ZNF71: variants seen among roughly 807,000 people sequenced by gnomAD.
ZNF71 encodes the protein endothelial zinc finger protein induced by tumor necrosis factor alpha.
In ZNF71, 3 loss-of-function variants were observed where a neutral mutation model predicts 6.7. The observed-to-expected ratio is 0.45, with a 90% confidence interval of 0.20 to 1.16. The LOEUF is 1.16. Among genes scored for constraint, ZNF71 ranks in the 50% most tolerant of loss-of-function variants. ZNF71 has a pLI of 0.25. For synonymous variants in ZNF71, 343 were observed against 311.1 expected, an observed-to-expected ratio of 1.10 and a Z score of -1.08; for missense variants, 688 against 728.6, an observed-to-expected ratio of 0.94 and a Z score of 0.64.
At position 56,621,541 on chromosome 19, in the gene ZNF71, G is replaced by A. The variant is rs536091468; in HGVS notation, c.434G>A (p.Gly145Asp). 39 of 1,614,178 alleles carry A rather than the reference G, an allele frequency of 2.4e-5. No homozygotes were observed. The East Asian group carries it at 6.5e-4, about 27-fold the overall frequency. The change falls in exon 4 of 4, where the codon GGC (glycine) becomes GAC (aspartate). Residue 145 changes from glycine (G) to aspartate (D), a missense_variant. Gly to Asp is a moderately conservative substitution (Grantham distance 94). Coordinates refer to ENST00000599599, the MANE Select transcript of ZNF71 (RefSeq NM_001370215.1). Reference sequence around the variant, plus strand: ...GAACTGAAGGCATTTGCCAACCAAGGCTGTGTCCTGGTCCCACCACGGCTG... The same window carrying A: ...GAACTGAAGGCATTTGCCAACCAAGACTGTGTCCTGGTCCCACCACGGCTG... ...CHELKAFANQGCVLVPPRLDD... is the reference protein window; with the variant it reads ...CHELKAFANQDCVLVPPRLDD...
At chr19:56,597,490 G>A (rs73934483) in intron 1 of ZNF71, among the ~76,000 whole-genome samples, 38,715 of 152,132 alleles carry the variant, frequency 0.25, 5,203 homozygotes, top group Admixed American at 0.34. Flanking sequence ...TCCCCAGGCT[G>A]GAAGATGCTG....
At chr19:56,596,922 A>G (rs1350618028) in intron 1 of ZNF71, among the ~76,000 whole-genome samples, 1 of 152,228 alleles carries the variant, frequency 6.6e-6, no homozygotes, top group Non-Finnish European at 1.5e-5. Context: ...CAAAAAGCTC[A>G]GAGGAAGAAG....
intron 2 of ZNF71, among the ~76,000 whole-genome samples, chr19:56,604,006 C>G (rs2044691168): frequency 6.6e-6 from 1 of 152,246 alleles, no homozygotes; most frequent in East Asian, 1.9e-4. Context: ...GCTCCCAGAC[C>G]TGGAAGGCTG....
In ZNF71 at chr19:56,613,602, A is replaced by G. The variant is rs187176486; in HGVS notation, c.34-210A>G. Among the ~76,000 whole-genome samples, 15 of 152,336 alleles carry G rather than the reference A, an allele frequency of 9.8e-5. No homozygotes were observed. In the East Asian group the frequency reaches 2.5e-3, roughly 25 times the overall value. ...GACCTTCTGTTCCAGAATGTTTCAT[A>G]TGGGATTTATTTCTCTATCAGAGTG... is the stretch of plus-strand genomic sequence containing the variant. On this transcript the variant is annotated intron_variant, in intron 2 of 3. Coordinates refer to ENST00000599599, the MANE Select transcript of ZNF71 (RefSeq NM_001370215.1). The surrounding 1 kb of genome is among the most constrained non-coding windows in gnomAD (Gnocchi z 4.6).
chr19:56,622,077 C>T lies in ZNF71; in HGVS notation c.970C>T (p.His324Tyr). Residue 324 changes from histidine (H) to tyrosine (Y), a missense_variant, in exon 4 of 4, where the codon CAC (histidine) becomes TAC (tyrosine). Coordinates refer to ENST00000599599, the MANE Select transcript of ZNF71 (RefSeq NM_001370215.1). ...NMHLIVHQRT[H>Y]TGEKPYVCPE... ...GCACCTCATCGTGCACCAGCGCACGCACACCGGGGAGAAGCCGTACGTGTG... is the reference window on the plus strand; with the variant it reads ...GCACCTCATCGTGCACCAGCGCACGTACACCGGGGAGAAGCCGTACGTGTG... 6.2e-7 allele frequency: 1 copy of T among 1,612,830 alleles called. No individual in the cohort carries two copies. The highest frequency in any genetic ancestry group is 8.5e-7 in the Non-Finnish European group (1 of 1,179,096).
At chr19:56,617,114 T>G (rs28572626) in intron 3 of ZNF71, among the ~76,000 whole-genome samples, 1 of 144,934 alleles carries the variant, frequency 6.9e-6, no homozygotes, top group Non-Finnish European at 1.5e-5. Flanking sequence ...TTTCTTTTGT[T>G]TTTTTTTGTT....
chr19:56,600,113 T>TGAGATGGAG (rs1568503329), intron 1 of ZNF71, among the ~76,000 whole-genome samples: 1 of 146,914 alleles, frequency 6.8e-6, no homozygotes, highest in African/African-American at 2.6e-5. Context: ...TTTTTTTTTT[T>TGAGATGGAG]TGAGATGGAG....
At position 56,622,006 on chromosome 19, in the gene ZNF71, A is replaced by G. The variant is rs376573351; in HGVS notation, c.899A>G (p.Lys300Arg). The G allele has an allele frequency of 3.0e-5, 49 of 1,613,012 alleles. No homozygotes were observed. Among genetic ancestry groups the G allele is most frequent in the Non-Finnish European group, 4.2e-5 (49 of 1,179,520 alleles). Residue 300 changes from lysine (K) to arginine (R), a missense_variant, in exon 4 of 4, where the codon AAG (lysine) becomes AGG (arginine). By Grantham distance (26) the Lys-to-Arg change is conservative. Transcript: ENST00000599599. ...CACGAGCGGATCCACACGGGGGAGAAGCCCTACGCGTGCGGGGACTGCGGC... is the reference window on the plus strand; with the variant it reads ...CACGAGCGGATCCACACGGGGGAGAGGCCCTACGCGTGCGGGGACTGCGGC... ...TQHERIHTGE[K>R]PYACGDCGKA... is the part of the protein sequence containing the mutation.
intron 2 of ZNF71, among the ~76,000 whole-genome samples, chr19:56,605,021 C>T (rs1438386011): frequency 1.3e-5 from 2 of 152,238 alleles, no homozygotes; most frequent in African/African-American, 4.8e-5. Context: ...CACTCAGCTC[C>T]AGCCTAGAGT....
intron 3 of ZNF71, among the ~76,000 whole-genome samples, chr19:56,620,172 G>C (rs2044832183): frequency 6.6e-6 from 1 of 152,210 alleles, no homozygotes; most frequent in African/African-American, 2.4e-5. Context: ...TGATGAGAGG[G>C]CTGGGGTGCG....
intron 3 of ZNF71, among the ~76,000 whole-genome samples, chr19:56,617,130 T>TTTTTTTA (rs1172399730): frequency 4.0e-5 from 6 of 151,280 alleles, no homozygotes; most frequent in East Asian, 3.9e-4. Flanking sequence ...TTGTTTTTTT[T>TTTTTTTA]GAGACAGTCT....
At chr19:56,606,829 G>C (rs535010129) in intron 2 of ZNF71, among the ~76,000 whole-genome samples, 1 of 152,038 alleles carries the variant, frequency 6.6e-6, no homozygotes, top group African/African-American at 2.4e-5. Context: ...GAAGTCTTCT[G>C]TGATCTAGCC....
At chr19:56,611,515 A>G (rs1380766671) in intron 2 of ZNF71, among the ~76,000 whole-genome samples, 2 of 152,164 alleles carry the variant, frequency 1.3e-5, no homozygotes, top group Admixed American at 6.5e-5. Context: ...AGTAGCTGCT[A>G]AGGCAGAAAC....
Position 56,622,845 on chromosome 19 carries a change from C to G in ZNF71, c.*88C>G. The G allele has an allele frequency of 2.7e-6, 4 of 1,498,316 alleles. No individual in the cohort carries two copies. Among genetic ancestry groups the G allele is most frequent in the East Asian group, 2.3e-5 (1 of 42,770 alleles). 92.8% of individuals were successfully genotyped at this position (1,498,316 alleles called of 1,614,324 possible). On this transcript the variant is annotated 3_prime_UTR_variant, in exon 4 of 4. Transcript: ENST00000599599. Reference sequence around the variant, plus strand: ...TGTCAGCAGTGCTGTGAGAAGTTCTCCCCTGGGGTGGGGACTCGGGGTCAG... The same window carrying G: ...TGTCAGCAGTGCTGTGAGAAGTTCTGCCCTGGGGTGGGGACTCGGGGTCAG...
chr19:56,612,694 A>G (rs2044761043), intron 2 of ZNF71, among the ~76,000 whole-genome samples: 1 of 152,174 alleles, frequency 6.6e-6, no homozygotes, highest in South Asian at 2.1e-4. Flanking sequence ...TATTCAGGTG[A>G]TGGGTGCACT....
intron 3 of ZNF71, 118 bp from the exon 4 acceptor site, chr19:56,621,150 C>A: frequency 9.7e-7 from 1 of 1,026,798 alleles, no homozygotes; most frequent in Non-Finnish European, 1.4e-6. Context: ...TGCTAACTCG[C>A]TCTGTGCCTT....
chr19:56,601,672 C>G, intron 2 of ZNF71, 81 bp downstream of exon 2: 4 of 910,864 alleles, frequency 4.4e-6, no homozygotes, highest in Non-Finnish European at 5.3e-6. Context: ...GAACCCTCTC[C>G]AAGGCCCCCA....
intron 3 of ZNF71, among the ~76,000 whole-genome samples, chr19:56,617,588 A>C (rs546148673): frequency 6.6e-6 from 1 of 152,328 alleles, no homozygotes; most frequent in South Asian, 2.1e-4. Context: ...GCTTTTGGCG[A>C]AAGTGCCCTC....
intron 3 of ZNF71, among the ~76,000 whole-genome samples, chr19:56,614,159 A>G (rs1390129197): frequency 6.6e-6 from 1 of 152,248 alleles, no homozygotes; most frequent in African/African-American, 2.4e-5. Flanking sequence ...GCTCCTGGGA[A>G]TAAGAAAAAG....
Sources: gnomAD v4.1 joint callset for allele counts (sites outside exome capture counted in the v4.1 genomes callset) on GRCh38, gnomAD v4.1.1 for gene constraint, Gnocchi (gnomAD v3.1) non-coding constraint, MANE v1.5 for transcripts, NCBI Gene and HGNC (gene_info 2026-07-23, HGNC 2026-07-21) for gene names.